Variants in PPP2R2A observed in about 807,000 individuals in gnomAD.
The protein encoded by PPP2R2A is protein phosphatase 2 regulatory subunit Balpha.
In PPP2R2A, 9 loss-of-function variants were observed where a neutral mutation model predicts 53.2. The observed-to-expected ratio is 0.17, with a 90% CI of 0.10 to 0.30. The LOEUF (loss-of-function observed/expected upper bound fraction) is 0.30, where lower values mean the gene tolerates loss of function less well. PPP2R2A is among the 10% of genes least tolerant of loss of function. The pLI is 1.00. For synonymous variants in PPP2R2A, 169 were observed against 174.2 expected (o/e 0.97, Z 0.23); for missense variants, 235 against 534.6 (o/e 0.44, Z 5.53).
At chr8:26,348,637 A>G (rs1804342725) in intron 3 of PPP2R2A, among the ~76,000 whole-genome samples, 1 of 152,222 alleles carries the variant, frequency 6.6e-6, no homozygotes, top group Admixed American at 6.5e-5. Flanking sequence ...CATCTTGGAT[A>G]AGGGATACTC....
chr8:26,362,924 C>A lies in PPP2R2A; in HGVS notation c.802+76C>A. On this transcript the variant is annotated intron_variant, in intron 7 of 9. Transcript: ENST00000380737. This position sits in a 1 kb window ranked among gnomAD's most constrained non-coding sequence, Gnocchi z 4.4. ...AAATAAGCCTCAGACATGATAAGTA[C>A]AATTACAGAGGTTCAAAGTCTTAAA... The A allele has an allele frequency of 7.1e-7, 1 of 1,411,640 alleles. No individual in the cohort carries two copies. The highest frequency in any genetic ancestry group is 9.7e-7 in the Non-Finnish European group (1 of 1,026,052). 87.4% of individuals were successfully genotyped at this position (1,411,640 alleles called of 1,614,324 possible). A position where few individuals can be genotyped will look rare whatever the true frequency, so the allele number is the denominator to read the frequency against.
chr8:26,318,127 G>A (rs997420507), intron 2 of PPP2R2A, among the ~76,000 whole-genome samples: 2 of 152,112 alleles, frequency 1.3e-5, no homozygotes, highest in Non-Finnish European at 2.9e-5. Context: ...AAAGGAGAAA[G>A]GGGGAAATGG....
chr8:26,355,485 C>T (rs1174847592), intron 4 of PPP2R2A, among the ~76,000 whole-genome samples: 1 of 152,160 alleles, frequency 6.6e-6, no homozygotes, highest in African/African-American at 2.4e-5. Context: ...CTCAAGCAGT[C>T]TGCCCCGCTC....
intron 2 of PPP2R2A, chr8:26,333,410 A>G: frequency 1.7e-6 from 1 of 599,008 alleles, no homozygotes; most frequent in Non-Finnish European, 2.4e-6. Flanking sequence ...AGTATTTCAA[A>G]TACCTTCAGC....
At position 26,366,482 on chromosome 8, in the gene PPP2R2A, C is replaced by T. The variant is rs543768245; in HGVS notation, c.1064+76C>T. The stretch of plus-strand genomic sequence containing the variant: ...ACTATTTCATTCCAGGTCCTAACTT[C>T]GTCTCTAGGGATTCCTTGAAATAAA... On this transcript the variant is annotated intron_variant, in intron 9 of 9. Transcript: ENST00000380737. 6.7e-4 allele frequency: 735 copies of T among 1,094,116 alleles called. 1 individual carries two copies. The highest frequency in any genetic ancestry group is 8.8e-4 in the Non-Finnish European group (670 of 764,266). 67.8% of individuals were successfully genotyped at this position (1,094,116 alleles called of 1,614,324 possible). A position where few individuals can be genotyped will look rare whatever the true frequency, so the allele number is the denominator to read the frequency against.
chr8:26,349,747 T>C (rs1332782397), intron 3 of PPP2R2A, among the ~76,000 whole-genome samples: 4 of 152,210 alleles, frequency 2.6e-5, no homozygotes, highest in Admixed American at 1.3e-4. Flanking sequence ...TATGAGCCTG[T>C]CTTATTAATG....
In PPP2R2A at chr8:26,360,743, T is replaced by G. The variant is rs1404134208; in HGVS notation, c.460-231T>G. ...CAAGCAAAATATTGAAACTAAGAAC[T>G]GCAAATTCTAATAGTATTGCAACCA... On this transcript the variant is annotated intron_variant, in intron 5 of 9. Transcript: ENST00000380737. The surrounding 1 kb of genome is among the most constrained non-coding windows in gnomAD (Gnocchi z 4.5). 2.2e-6 allele frequency: 1 copy of G among 454,700 alleles called. No homozygotes were observed. The highest frequency in any genetic ancestry group is 3.8e-6 in the Non-Finnish European group (1 of 262,350). The allele number at this position is 454,700 out of a possible 1,614,324, so 28.2% of individuals were successfully genotyped here. A position where few individuals can be genotyped will look rare whatever the true frequency, so the allele number is the denominator to read the frequency against.
intron 2 of PPP2R2A, among the ~76,000 whole-genome samples, chr8:26,309,578 G>T (rs76897481): frequency 0.019 from 2,911 of 152,264 alleles, 90 homozygotes; most frequent in African/African-American, 0.067. Context: ...GTCCTAGGTG[G>T]TATCTTCTTT....
At chr8:26,303,893 A>G (rs1245396722) in intron 2 of PPP2R2A, among the ~76,000 whole-genome samples, 2 of 152,312 alleles carry the variant, frequency 1.3e-5, no homozygotes, top group East Asian at 1.9e-4. Flanking sequence ...TCTATATACC[A>G]CATTGCCGGG....
In PPP2R2A at chr8:26,338,225, A is replaced by AG. The variant is rs202126035; in HGVS notation, c.83-665_83-664insG. ...CTAGTGTGAAAAACCAAGAAAAAAA[A>AG]CTTGACAGTTTTCTTTGATCATGAC... On this transcript the variant is annotated intron_variant, in intron 2 of 9. Coordinates refer to ENST00000380737, the MANE Select transcript of PPP2R2A (RefSeq NM_002717.4). This position sits in a 1 kb window ranked among gnomAD's most constrained non-coding sequence, Gnocchi z 4.5. Among the ~76,000 whole-genome samples, 1,041 of 152,332 alleles carry AG rather than the reference A, an allele frequency of 6.8e-3. 13 individuals carry two copies. Among genetic ancestry groups the AG allele is most frequent in the African/African-American group, 0.024 (978 of 41,578 alleles).
chr8:26,295,836 A>G (rs1393633928), intron 2 of PPP2R2A, among the ~76,000 whole-genome samples: 2 of 152,204 alleles, frequency 1.3e-5, no homozygotes, highest in African/African-American at 4.8e-5. Context: ...TAGAGTTTGC[A>G]TATTATAGTC....
chr8:26,294,266 T>C (rs1360145390), intron 2 of PPP2R2A, among the ~76,000 whole-genome samples: 3 of 152,226 alleles, frequency 2.0e-5, no homozygotes, highest in East Asian at 1.9e-4. Context: ...TTCATTTTGT[T>C]GTCTTTCTGG....
At chr8:26,322,207 ACT>A (rs1470390665) in intron 2 of PPP2R2A, among the ~76,000 whole-genome samples, 7 of 152,294 alleles carry the variant, frequency 4.6e-5, no homozygotes, top group African/African-American at 7.2e-5. Flanking sequence ...GAAATTTGTG[ACT>A]CTCTGGAGTC....
At chr8:26,361,424 A>G (rs1415465423) in intron 6 of PPP2R2A, among the ~76,000 whole-genome samples, 1 of 152,104 alleles carries the variant, frequency 6.6e-6, no homozygotes, top group Admixed American at 6.5e-5. Context: ...ATTTTTTATA[A>G]TTTAGGTTTT....
chr8:26,322,701 A>G (rs889302894), intron 2 of PPP2R2A, among the ~76,000 whole-genome samples: 5 of 152,170 alleles, frequency 3.3e-5, no homozygotes, highest in African/African-American at 1.2e-4. Context: ...GAACAACCCA[A>G]AACTTACATA....
intron 3 of PPP2R2A, among the ~76,000 whole-genome samples, chr8:26,341,169 A>G (rs1317041442): frequency 6.6e-6 from 1 of 152,164 alleles, no homozygotes; most frequent in Non-Finnish European, 1.5e-5. Context: ...TTTAAGTGAT[A>G]GATTAAGTAA....
In PPP2R2A at chr8:26,314,888, T is replaced by TC. The variant is rs3070128; in HGVS notation, c.82+21163dup. On this transcript the variant is annotated intron_variant, in intron 2 of 9. Coordinates refer to ENST00000380737, the MANE Select transcript of PPP2R2A (RefSeq NM_002717.4). ...GTACTGGTCCTCTTTTTTTTTCCCT[T>TC]CCCCCCCCCCCCCCCAACTATTTTC... Among the ~76,000 whole-genome samples the TC allele has an allele frequency of 8.2e-3, 540 of 65,782 alleles. 12 individuals carry two copies. Among genetic ancestry groups the TC allele is most frequent in the African/African-American group, 0.022 (330 of 15,268 alleles). The allele number at this position is 65,782 out of a possible 152,430, so 43.2% of individuals were successfully genotyped here.
intron 2 of PPP2R2A, among the ~76,000 whole-genome samples, chr8:26,329,622 A>G (rs1803268778): frequency 1.3e-5 from 2 of 152,190 alleles, no homozygotes; most frequent in Admixed American, 1.3e-4. Context: ...AGTTAGCAGG[A>G]CAGTTTTGAA....
chr8:26,330,739 CT>C (rs1803327006), intron 2 of PPP2R2A, among the ~76,000 whole-genome samples: 1 of 152,076 alleles, frequency 6.6e-6, no homozygotes, highest in African/African-American at 2.4e-5. Flanking sequence ...GGTTTTTCTT[CT>C]GATTATGGGT....
Sources: gnomAD v4.1 joint callset for allele counts (sites outside exome capture counted in the v4.1 genomes callset) on GRCh38, gnomAD v4.1.1 for gene constraint, Gnocchi (gnomAD v3.1) non-coding constraint, MANE v1.5 for transcripts, NCBI Gene and HGNC (gene_info 2026-07-23, HGNC 2026-07-21) for gene names.